KSR2: variants seen among roughly 807,000 people sequenced by gnomAD.
The protein encoded by KSR2 is kinase suppressor of ras 2.
In KSR2, 25 loss-of-function variants were observed where a neutral mutation model predicts 107.8. The observed-to-expected ratio is 0.23, with a 90% confidence interval of 0.17 to 0.32. The LOEUF is 0.32. Among genes scored for constraint, KSR2 ranks in the 10% least tolerant of loss-of-function variants. KSR2 has a pLI of 1.00. For missense variants in KSR2, 887 were observed against 1,268.9 expected (o/e 0.70, Z 4.57); for synonymous variants, 480 against 507.0 (o/e 0.95, Z 0.71).
chr12:117,818,876 T>C (rs1891466996), intron 3 of KSR2, among the ~76,000 whole-genome samples: 1 of 152,074 alleles, frequency 6.6e-6, no homozygotes, highest in African/African-American at 2.4e-5. Context: ...TCATAATGTT[T>C]AGACCAGGGA....
At position 117,464,645 on chromosome 12, in the gene KSR2, G is replaced by C. The variant is rs978145592; in HGVS notation, c.*2554C>G. The C allele has an allele frequency of 6.6e-5, 10 of 152,288 alleles. No homozygotes were observed. Among genetic ancestry groups the C allele is most frequent in the Admixed American group, 5.2e-4 (8 of 15,278 alleles). The allele number at this position is 152,288 out of a possible 1,614,324, so 9.4% of individuals were successfully genotyped here. On this transcript the variant is annotated 3_prime_UTR_variant, in exon 20 of 20. Coordinates refer to ENST00000339824, the MANE Select transcript of KSR2 (RefSeq NM_173598.6). ...CTCAACAAGTCAGGGCGGTGTAGAG[G>C]GGACAGGGTAGGGGCGTCAGGAAGG... is the stretch of plus-strand genomic sequence containing the variant.
At position 117,578,331 on chromosome 12, in the gene KSR2, C is replaced by T. The variant is rs1419503951; in HGVS notation, c.1325+788G>A. Among the ~76,000 whole-genome samples the T allele has an allele frequency of 3.3e-5, 5 of 152,204 alleles. No homozygotes were observed. The East Asian group carries it at 5.8e-4, about 18-fold the overall frequency. ...CTTGGGAGCCAGGCACGGTGGCTCC[C>T]GCCTGCAATCCCAACACTTTGGGAG... On this transcript the variant is annotated intron_variant, in intron 7 of 19. Coordinates refer to ENST00000339824, the MANE Select transcript of KSR2 (RefSeq NM_173598.6).
rs1174987988 is a variant in KSR2, at chr12:117,460,338, A to G, written c.*6861T>C. ...GAGTGGGAAGGAAGGGCCCTTTCCC[A>G]CCCCTGAGAGGGAAGAGCACTCACT... On this transcript the variant is annotated 3_prime_UTR_variant, in exon 20 of 20. Coordinates refer to ENST00000339824, the MANE Select transcript of KSR2 (RefSeq NM_173598.6). 6.6e-6 allele frequency: 1 copy of G among 152,024 alleles called. No homozygotes were observed. The highest frequency in any genetic ancestry group is 2.4e-5 in the African/African-American group (1 of 41,370). The allele number at this position is 152,024 out of a possible 1,614,324, so 9.4% of individuals were successfully genotyped here.
At chr12:117,586,442 T>G (rs1229516767) in intron 5 of KSR2, among the ~76,000 whole-genome samples, 1 of 151,606 alleles carries the variant, frequency 6.6e-6, no homozygotes, top group East Asian at 1.9e-4. Flanking sequence ...CAAAAAATTA[T>G]TTTTGTATAT....
intron 1 of KSR2, among the ~76,000 whole-genome samples, chr12:117,937,125 A>C (rs1379874399): frequency 1.3e-5 from 2 of 152,220 alleles, no homozygotes; most frequent in African/African-American, 4.8e-5. Flanking sequence ...ACATATGACT[A>C]AATAGTAGCG....
chr12:117,767,852 T>G (rs1889299812), intron 3 of KSR2, among the ~76,000 whole-genome samples: 1 of 151,458 alleles, frequency 6.6e-6, no homozygotes, highest in African/African-American at 2.4e-5. Context: ...TTCCCAGGGT[T>G]TTGCTCTTCT....
chr12:117,626,882 G>C (rs1396023540), intron 5 of KSR2, among the ~76,000 whole-genome samples: 1 of 152,118 alleles, frequency 6.6e-6, no homozygotes, highest in Non-Finnish European at 1.5e-5. Flanking sequence ...TATGAATCTA[G>C]GTGCTCCTGT....
At chr12:117,719,394 C>G (rs1887121935) in intron 4 of KSR2, among the ~76,000 whole-genome samples, 1 of 152,180 alleles carries the variant, frequency 6.6e-6, no homozygotes, top group Non-Finnish European at 1.5e-5. Context: ...CAGGGTTTCA[C>G]CATGTTGGCC....
chr12:117,826,943 C>T (rs763518951), intron 3 of KSR2, among the ~76,000 whole-genome samples: 7 of 149,218 alleles, frequency 4.7e-5, no homozygotes, highest in East Asian at 2.0e-4. Flanking sequence ...AAAAATTAGC[C>T]GGGCATAGAG....
chr12:117,739,350 G>A (rs1888084090), intron 4 of KSR2, among the ~76,000 whole-genome samples: 1 of 152,156 alleles, frequency 6.6e-6, no homozygotes, highest in South Asian at 2.1e-4. Flanking sequence ...GCAAGACTCC[G>A]CCTCAAAAAT....
rs771280117 is a variant in KSR2 at position 117,527,160 on chromosome 12, G to A, written c.1803-41C>T. 7 of 1,474,406 alleles carry A rather than the reference G, an allele frequency of 4.7e-6. No homozygotes were observed. The East Asian group carries it at 1.1e-4, about 24-fold the overall frequency. The allele number at this position is 1,474,406 out of a possible 1,614,324, so 91.3% of individuals were successfully genotyped here. ...AATAAACGTGATCCCTAGGTGAAAA[G>A]GCAGGTCTATATATTGAGTTTAGCT... On this transcript the variant is annotated intron_variant, in intron 12 of 19. Coordinates refer to ENST00000339824, the MANE Select transcript of KSR2 (RefSeq NM_173598.6).
intron 14 of KSR2, among the ~76,000 whole-genome samples, chr12:117,505,543 C>G (rs1464898088): frequency 1.3e-5 from 2 of 152,216 alleles, no homozygotes; most frequent in East Asian, 3.8e-4. Flanking sequence ...GTGACAATCA[C>G]ATTCTCCTCT....
intron 1 of KSR2, among the ~76,000 whole-genome samples, chr12:117,864,967 T>G (rs994572107): frequency 1.6e-4 from 25 of 152,040 alleles, no homozygotes; most frequent in African/African-American, 5.6e-4. Context: ...AAAGCAAGAA[T>G]GAAGCCCTGA....
intron 14 of KSR2, among the ~76,000 whole-genome samples, chr12:117,486,022 G>C (rs1226159623): frequency 6.6e-6 from 1 of 152,174 alleles, no homozygotes; most frequent in Admixed American, 6.5e-5. Context: ...AAACTTCTGG[G>C]TCCTCAGACG....
chr12:117,574,552 T>A (rs1879144431), intron 7 of KSR2, among the ~76,000 whole-genome samples: 2 of 152,110 alleles, frequency 1.3e-5, no homozygotes, highest in Admixed American at 6.5e-5. Flanking sequence ...ATCAGATCTC[T>A]TGAGACTTAT....
chr12:117,566,311 G>C (rs1433553381), intron 7 of KSR2, among the ~76,000 whole-genome samples: 2 of 152,070 alleles, frequency 1.3e-5, no homozygotes, highest in African/African-American at 4.8e-5. Flanking sequence ...GTAGAGACAG[G>C]GTTTCACCAT....
chr12:117,563,339 G>C (rs1487868626), intron 7 of KSR2, among the ~76,000 whole-genome samples: 1 of 152,078 alleles, frequency 6.6e-6, no homozygotes, highest in Non-Finnish European at 1.5e-5. Flanking sequence ...TGAATCTTTC[G>C]GAATACAATG....
intron 14 of KSR2, among the ~76,000 whole-genome samples, chr12:117,497,442 G>A (rs1437974919): frequency 6.6e-6 from 1 of 152,114 alleles, no homozygotes; most frequent in Non-Finnish European, 1.5e-5. Context: ...TCATTAACTT[G>A]TGACAACTTC....
intron 7 of KSR2, among the ~76,000 whole-genome samples, chr12:117,573,587 G>A (rs1879049002): frequency 7.0e-6 from 1 of 142,518 alleles, no homozygotes; most frequent in South Asian, 2.2e-4. Flanking sequence ...GAGTGCAGTA[G>A]TGCAATGTTG....
Sources: gnomAD v4.1 joint callset for allele counts (sites outside exome capture counted in the v4.1 genomes callset) on GRCh38, gnomAD v4.1.1 for gene constraint, MANE v1.5 for transcripts, NCBI Gene and HGNC (gene_info 2026-07-23, HGNC 2026-07-21) for gene names.